The following CLPTM1L variants were observed in gnomAD, a reference collection of about 807,000 sequenced individuals.
CLPTM1L encodes CLPTM1 like.
In CLPTM1L, 38 loss-of-function variants were observed where a neutral mutation model predicts 70.9. The ratio of observed to expected loss-of-function variants is 0.54; its 90% CI spans 0.41 to 0.70. The LOEUF (loss-of-function observed/expected upper bound fraction) is 0.70, where lower values mean the gene tolerates loss of function less well. Ranked by LOEUF, CLPTM1L falls within the 30% of genes least tolerant of loss-of-function variation. CLPTM1L has a pLI of 0.00. For synonymous variants in CLPTM1L, 339 were observed against 299.9 expected (o/e 1.13, Z -1.35); for missense variants, 652 against 705.9 (o/e 0.92, Z 0.87).
At position 1,327,247 on chromosome 5, in the gene CLPTM1L, G is replaced by A. The variant is rs879191810; in HGVS notation, c.1081-1431C>T. Among the ~76,000 whole-genome samples, 52 of 51,812 alleles carry A rather than the reference G, an allele frequency of 1.0e-3. 1 individual carries two copies. Among genetic ancestry groups the A allele is most frequent in the African/African-American group, 3.8e-3 (47 of 12,372 alleles). The allele number at this position is 51,812 out of a possible 152,430, so 34.0% of individuals were successfully genotyped here. A position where few individuals can be genotyped will look rare whatever the true frequency, so the allele number is the denominator to read the frequency against. On this transcript the variant is annotated intron_variant, in intron 9 of 16. Coordinates refer to ENST00000320895, the MANE Select transcript of CLPTM1L (RefSeq NM_030782.5). ...GACACATTTCATCCAGCTCCTCCTC[G>A]ACAGACACATTCCATCCAGCTCCTC...
At chr5:1,333,670 TAAGGGGGGACTACTGTAGACACACCGCAA>T (rs1561244445) in intron 7 of CLPTM1L, among the ~76,000 whole-genome samples, 1,148 of 86,314 alleles carry the variant, frequency 0.013, 30 homozygotes, top group African/African-American at 0.019. Context: ...CGGCTGAGGA[TAAGGGGGGACTACTGTAGACACACCGCAA>T]GAGGATAAGG....
chr5:1,319,915 T>C (rs1195772935), intron 16 of CLPTM1L, among the ~76,000 whole-genome samples: 6 of 152,218 alleles, frequency 3.9e-5, no homozygotes, highest in African/African-American at 1.4e-4. Flanking sequence ...CCCTGGCTCC[T>C]ACCCTGGCAC....
chr5:1,340,763 T>G (rs1430503533), intron 3 of CLPTM1L, among the ~76,000 whole-genome samples: 1 of 152,230 alleles, frequency 6.6e-6, no homozygotes, highest in Non-Finnish European at 1.5e-5. Flanking sequence ...AGCCTCTTCC[T>G]GGAAAGCTGC....
intron 4 of CLPTM1L, 109 bp downstream of exon 4, chr5:1,338,751 C>T: frequency 7.6e-7 from 1 of 1,315,890 alleles, no homozygotes; most frequent in African/African-American, 1.5e-5. Context: ...CAGCAAGTGC[C>T]TCCCCACAGA....
chr5:1,324,834 G>A (rs755769151), intron 10 of CLPTM1L, 21 bp from the exon 11 acceptor site: 14 of 1,609,776 alleles, frequency 8.7e-6, no homozygotes, highest in Non-Finnish European at 1.2e-5. Flanking sequence ...ATTCAACACA[G>A]TGATATTAAT....
At chr5:1,328,870 C>CT (rs1752855457) in intron 9 of CLPTM1L, among the ~76,000 whole-genome samples, 1 of 151,968 alleles carries the variant, frequency 6.6e-6, no homozygotes. Flanking sequence ...CCAGCTCCTC[C>CT]TCTACAGACA....
chr5:1,325,356 G>T (rs912411076), intron 10 of CLPTM1L: 20 of 262,774 alleles, frequency 7.6e-5, no homozygotes, highest in Non-Finnish European at 1.4e-5. Context: ...CCAGGCACTG[G>T]GGCAGCCACC....
At chr5:1,338,294 A>T in intron 4 of CLPTM1L, 1 of 426,452 alleles carries the variant, frequency 2.3e-6, no homozygotes, top group Non-Finnish European at 4.3e-6. Flanking sequence ...CTGCGCACTG[A>T]CACGGAGCAA....
intron 11 of CLPTM1L, chr5:1,324,121 T>C (rs2126724214): frequency 1.9e-6 from 1 of 532,452 alleles, no homozygotes; most frequent in Non-Finnish European, 3.3e-6. Flanking sequence ...AGATCAATTC[T>C]GGTTGGTCAA....
At position 1,318,218 on chromosome 5, in the gene CLPTM1L, G is replaced by A. The variant is rs1751942285; in HGVS notation, c.*151C>T. On this transcript the variant is annotated 3_prime_UTR_variant, in exon 17 of 17. Transcript: ENST00000320895. This position sits in a 1 kb window ranked among gnomAD's most constrained non-coding sequence, Gnocchi z 8.9. ...CGTAAGCGCTACCAGCTCCAAATCTGACGTGATGGGAACTTGGGAGATGTC... is the reference window on the plus strand; with the variant it reads ...CGTAAGCGCTACCAGCTCCAAATCTAACGTGATGGGAACTTGGGAGATGTC... 3.1e-6 allele frequency: 2 copies of A among 644,178 alleles called. No homozygotes were observed. The highest frequency in any genetic ancestry group is 3.6e-5 in the African/African-American group (2 of 55,168). The allele number at this position is 644,178 out of a possible 1,614,324, so 39.9% of individuals were successfully genotyped here.
Position 1,324,757 on chromosome 5 carries a change from A to G in CLPTM1L, c.1197+6T>C. ...ATGCACGTGCCCTGAATCACAAGTGACTTACCTGAGTATCGTACTCCTCGG... is the reference window on the plus strand; with the variant it reads ...ATGCACGTGCCCTGAATCACAAGTGGCTTACCTGAGTATCGTACTCCTCGG... On this transcript the variant is annotated splice_donor_region_variant and intron_variant, in intron 11 of 16. Coordinates refer to ENST00000320895, the MANE Select transcript of CLPTM1L (RefSeq NM_030782.5). 1.2e-6 allele frequency: 2 copies of G among 1,613,888 alleles called. No homozygotes were observed. The highest frequency in any genetic ancestry group is 3.3e-5 in the Admixed American group (2 of 60,028).
chr5:1,336,362 C>T (rs555422110), intron 5 of CLPTM1L, among the ~76,000 whole-genome samples: 1 of 152,340 alleles, frequency 6.6e-6, no homozygotes, highest in African/African-American at 2.4e-5. Flanking sequence ...AAGCTGCTGT[C>T]GGCACACGTG....
At chr5:1,327,190 A>G (rs79720191) in intron 9 of CLPTM1L, among the ~76,000 whole-genome samples, 2 of 148,732 alleles carry the variant, frequency 1.3e-5, no homozygotes, top group Non-Finnish European at 3.0e-5. Context: ...CTCCTCCTCT[A>G]CAGACACATT....
At chr5:1,332,404 A>ATC (rs1753154324) in intron 7 of CLPTM1L, 1 of 154,574 alleles carries the variant, frequency 6.5e-6, no homozygotes, top group Admixed American at 6.3e-5. Flanking sequence ...ACCATGCATG[A>ATC]TCTCATCCTT....
intron 2 of CLPTM1L, among the ~76,000 whole-genome samples, chr5:1,343,495 T>C (rs773087310): frequency 2.6e-5 from 4 of 152,238 alleles, no homozygotes; most frequent in Non-Finnish European, 5.9e-5. Flanking sequence ...GCAGTATTCA[T>C]GTCTGGGAAA....
rs1325733395 is a variant in CLPTM1L, at chr5:1,323,828, G to A, written c.1239C>T (p.Val413=). Residue 413 remains valine (V), a synonymous_variant, in exon 12 of 17, where the codon GTC becomes GTT. Coordinates refer to ENST00000320895, the MANE Select transcript of CLPTM1L (RefSeq NM_030782.5). ...TCAGGAGTGAATAGACAGCACCCCC[G>A]ACACAGAGAGGGTACAGCAGGTATG... The part of the protein sequence containing the change: ...YLSYLLYPLC[V]GGAVYSLLNI... 9.9e-6 allele frequency: 16 copies of A among 1,613,672 alleles called. No homozygotes were observed. The highest frequency in any genetic ancestry group is 1.6e-4 in the Middle Eastern group (1 of 6,084).
chr5:1,339,265 G>A (rs1753790815), intron 3 of CLPTM1L, among the ~76,000 whole-genome samples: 1 of 145,000 alleles, frequency 6.9e-6, no homozygotes, highest in African/African-American at 2.6e-5. Context: ...AGCAGGGTCA[G>A]TGCCCTAACC....
In CLPTM1L at chr5:1,344,614, C is replaced by T; in HGVS notation, c.162+66G>A. ...GCTCCGAACTGGGACGGGAAGGCGA[C>T]GTCTGGGGCCTGGAGGAGAGGCCCC... On this transcript the variant is annotated intron_variant, in intron 1 of 16. Transcript: ENST00000320895. 2.7e-6 allele frequency: 4 copies of T among 1,508,574 alleles called. No homozygotes were observed. The South Asian group carries it at 4.9e-5, about 19-fold the overall frequency. 93.4% of individuals were successfully genotyped at this position (1,508,574 alleles called of 1,614,324 possible). A position where few individuals can be genotyped will look rare whatever the true frequency, so the allele number is the denominator to read the frequency against.
intron 13 of CLPTM1L, among the ~76,000 whole-genome samples, chr5:1,322,423 C>T (rs1046643226): frequency 2.0e-5 from 3 of 152,320 alleles, no homozygotes; most frequent in South Asian, 2.1e-4. Flanking sequence ...CAGGAGGGGG[C>T]GCGCCGTGCA....
Sources: allele counts gnomAD v4.1 joint callset (sites outside exome capture counted in the v4.1 genomes callset), GRCh38; gene constraint gnomAD v4.1.1; non-coding constraint Gnocchi (gnomAD v3.1); transcripts MANE v1.5; gene names NCBI Gene and HGNC (gene_info 2026-07-23, HGNC 2026-07-21).